ACTR3C: variants seen among roughly 807,000 people sequenced by gnomAD.
The protein encoded by ACTR3C is actin-related protein 3C.
In ACTR3C, 18 loss-of-function variants were observed where a neutral mutation model predicts 26.3. The observed-to-expected ratio is 0.68, with a 90% CI of 0.47 to 1.01. The LOEUF (loss-of-function observed/expected upper bound fraction) is 1.01. ACTR3C is among the 50% of genes least tolerant of loss of function. The pLI, the probability that ACTR3C is intolerant of heterozygous loss-of-function variation, is 0.00. For synonymous variants in ACTR3C, 55 were observed against 94.5 expected (o/e 0.58, Z 2.42); for missense variants, 184 against 250.7 (o/e 0.73, Z 1.80).
chr7:149,926,655 C>T, the ACTR3C span, among the ~76,000 whole-genome samples: 3 of 152,084 alleles, frequency 2.0e-5, no homozygotes, highest in South Asian at 2.1e-4. Flanking sequence ...AAGCTTGCCC[C>T]GGTTTCCTGT....
the ACTR3C span, among the ~76,000 whole-genome samples, chr7:150,172,570 T>C: frequency 6.7e-6 from 1 of 150,134 alleles, no homozygotes; most frequent in African/African-American, 2.5e-5. Context: ...ATTCCATCCC[T>C]GGCCCTTTCA....
intron 1 of ACTR3C, among the ~76,000 whole-genome samples, chr7:150,297,121 G>A (rs984912407): frequency 4.0e-5 from 6 of 149,602 alleles, no homozygotes; most frequent in African/African-American, 5.1e-5. Flanking sequence ...CCTTCAACAC[G>A]GCTACATTTA....
chr7:149,900,914 T>G, the ACTR3C span, among the ~76,000 whole-genome samples: 1 of 152,008 alleles, frequency 6.6e-6, no homozygotes, highest in Non-Finnish European at 1.5e-5. Flanking sequence ...GCACCTGTAA[T>G]CCCAGCTACT....
the ACTR3C span, among the ~76,000 whole-genome samples, chr7:150,154,594 G>T: frequency 1.2e-4 from 18 of 152,186 alleles, 1 homozygote; most frequent in South Asian, 3.5e-3. Context: ...GTTGAATCAG[G>T]CTTTTTGGTT....
the ACTR3C span, among the ~76,000 whole-genome samples, chr7:150,049,957 G>C: frequency 6.6e-6 from 1 of 152,168 alleles, no homozygotes; most frequent in Non-Finnish European, 1.5e-5. Flanking sequence ...GGTGGGTCTG[G>C]GGTGGGGAGA....
the ACTR3C span, among the ~76,000 whole-genome samples, chr7:150,091,355 A>G: frequency 1.6e-5 from 1 of 61,722 alleles, no homozygotes; most frequent in African/African-American, 5.4e-5. Context: ...GTCAGGCTAG[A>G]GCAGCAGAGA....
the ACTR3C span, among the ~76,000 whole-genome samples, chr7:150,040,101 AAG>A: frequency 6.8e-6 from 1 of 146,260 alleles, no homozygotes; most frequent in East Asian, 2.0e-4. Flanking sequence ...GCCAGGGGGG[AAG>A]AGGGGATGGA....
At chr7:149,962,163 G>T in the ACTR3C span, among the ~76,000 whole-genome samples, 2 of 152,124 alleles carry the variant, frequency 1.3e-5, no homozygotes, top group African/African-American at 4.8e-5. Flanking sequence ...ACACTTATAG[G>T]AAGTGTACAC....
chr7:150,203,335 G>A, the ACTR3C span, among the ~76,000 whole-genome samples: 4 of 152,172 alleles, frequency 2.6e-5, no homozygotes, highest in African/African-American at 7.2e-5. Flanking sequence ...ATTGCAGTAC[G>A]GTGTGTAAAG....
the ACTR3C span, among the ~76,000 whole-genome samples, chr7:150,035,631 T>G: frequency 7.5e-6 from 1 of 133,738 alleles, no homozygotes. Context: ...AGATTTGAAC[T>G]TTCTACTTGG....
chr7:150,297,911 G>C (rs976439032), intron 1 of ACTR3C, among the ~76,000 whole-genome samples: 2 of 149,308 alleles, frequency 1.3e-5, no homozygotes, highest in African/African-American at 5.0e-5. Context: ...GAATGTAAAT[G>C]TTATAAATTT....
intron 5 of ACTR3C, 62 bp downstream of exon 5, chr7:150,286,305 C>T: frequency 6.4e-7 from 1 of 1,558,148 alleles, no homozygotes; most frequent in African/African-American, 1.4e-5. Flanking sequence ...GCTCTTTCTA[C>T]ACTCTGGGTG....
chr7:150,133,103 C>T, the ACTR3C span, among the ~76,000 whole-genome samples: 1 of 152,246 alleles, frequency 6.6e-6, no homozygotes, highest in South Asian at 2.1e-4. Context: ...ATCTCGCATG[C>T]ACACAGGACG....
At chr7:149,922,075 C>T in the ACTR3C span, among the ~76,000 whole-genome samples, 26 of 143,484 alleles carry the variant, frequency 1.8e-4, 1 homozygote, top group African/African-American at 5.8e-4. Flanking sequence ...AACAACTCTT[C>T]GCCATGCTTA....
At chr7:150,006,040 T>A in the ACTR3C span, among the ~76,000 whole-genome samples, 1 of 151,328 alleles carries the variant, frequency 6.6e-6, no homozygotes, top group African/African-American at 2.4e-5. Context: ...TTGCTGGAGG[T>A]TTCTAAGCAG....
chr7:150,086,744 TC>T, the ACTR3C span, among the ~76,000 whole-genome samples: 1 of 152,080 alleles, frequency 6.6e-6, no homozygotes, highest in Non-Finnish European at 1.5e-5. Context: ...GGCTGGTCAC[TC>T]CTCCCTCACA....
At chr7:149,968,070 T>C in the ACTR3C span, among the ~76,000 whole-genome samples, 2 of 152,224 alleles carry the variant, frequency 1.3e-5, no homozygotes, top group Admixed American at 6.5e-5. Flanking sequence ...CTTTGGTAAG[T>C]TGCAAATGCT....
At chr7:149,884,081 T>C in the ACTR3C span, among the ~76,000 whole-genome samples, 1 of 152,186 alleles carries the variant, frequency 6.6e-6, no homozygotes, top group African/African-American at 2.4e-5. Flanking sequence ...TCAGTTAATT[T>C]TGGCTGCTTT....
At chr7:150,279,139 C>CA (rs957068166) in intron 6 of ACTR3C, among the ~76,000 whole-genome samples, 19 of 151,618 alleles carry the variant, frequency 1.3e-4, no homozygotes, top group African/African-American at 4.4e-4. Flanking sequence ...CTCAACTCTA[C>CA]AAAAAAAAAT....
Sources: gnomAD v4.1 joint callset for allele counts (sites outside exome capture counted in the v4.1 genomes callset) on GRCh38, gnomAD v4.1.1 for gene constraint, MANE v1.5 for transcripts, NCBI Gene and HGNC (gene_info 2026-07-23, HGNC 2026-07-21) for gene names.